Variants in SLC39A11 observed in about 807,000 individuals in gnomAD.
The protein encoded by SLC39A11 is solute carrier family 39 member 11.
SLC39A11 carries 33 observed loss-of-function variants against 36.1 expected under a neutral mutation model. The observed-to-expected ratio is 0.91, with a 90% CI of 0.69 to 1.22. The LOEUF (loss-of-function observed/expected upper bound fraction) is 1.22. Ranked by LOEUF, SLC39A11 falls within the 50% of genes most tolerant of loss-of-function variation. SLC39A11 has a pLI of 0.00. For synonymous variants in SLC39A11, 166 were observed against 170.3 expected (o/e 0.97, Z 0.20); for missense variants, 432 against 430.3 (o/e 1.00, Z -0.03).
intron 7 of SLC39A11, among the ~76,000 whole-genome samples, chr17:72,719,123 T>C (rs1223991107): frequency 6.6e-6 from 1 of 151,170 alleles, no homozygotes; most frequent in Non-Finnish European, 1.5e-5. Flanking sequence ...GGCACATGCC[T>C]GTAGTCCCAG....
intron 4 of SLC39A11, among the ~76,000 whole-genome samples, chr17:72,979,178 C>T (rs969178443): frequency 5.3e-5 from 8 of 152,190 alleles, no homozygotes; most frequent in Non-Finnish European, 1.0e-4. Context: ...CCTCCCCCTT[C>T]GCTTGCCACT....
intron 3 of SLC39A11, among the ~76,000 whole-genome samples, chr17:73,058,045 C>G (rs985004313): frequency 9.6e-6 from 1 of 104,198 alleles, no homozygotes; most frequent in Non-Finnish European, 1.9e-5. Flanking sequence ...AAATTTACTT[C>G]TGTGGGAAAA....
chr17:72,667,623 A>G (rs1161238283), intron 7 of SLC39A11, among the ~76,000 whole-genome samples: 2 of 152,242 alleles, frequency 1.3e-5, no homozygotes, highest in East Asian at 1.9e-4. Flanking sequence ...TATGCTACCA[A>G]TGCTATGAAG....
intron 3 of SLC39A11, among the ~76,000 whole-genome samples, chr17:73,060,210 C>CAAAAAAAAAAAAAAAAAAAAAAAAAA (rs33931672): frequency 7.1e-5 from 5 of 70,352 alleles, no homozygotes; most frequent in Admixed American, 1.8e-4. Context: ...AACTCCATCT[C>CAAAAAAAAAAAAAAAAAAAAAAAAAA]AAAAAAAAAA....
intron 4 of SLC39A11, among the ~76,000 whole-genome samples, chr17:73,016,220 A>T (rs139877115): frequency 2.1e-4 from 32 of 152,286 alleles, no homozygotes; most frequent in African/African-American, 7.5e-4. Flanking sequence ...TCTTAAAGGG[A>T]GGTCCATGGA....
At chr17:72,993,952 T>C (rs556877198) in intron 4 of SLC39A11, among the ~76,000 whole-genome samples, 164 of 152,306 alleles carry the variant, frequency 1.1e-3, no homozygotes, top group Non-Finnish European at 1.9e-3. Flanking sequence ...TGGGAGGTAA[T>C]TGAATCATGG....
chr17:73,067,828 A>G (rs2060041502), intron 3 of SLC39A11: 1 of 1,557,238 alleles, frequency 6.4e-7, no homozygotes, highest in African/African-American at 1.4e-5. Flanking sequence ...CTCTTCTGTG[A>G]AAATCCATTT....
chr17:72,990,257 G>T (rs1200076688), intron 4 of SLC39A11, among the ~76,000 whole-genome samples: 1 of 152,060 alleles, frequency 6.6e-6, no homozygotes, highest in Non-Finnish European at 1.5e-5. Flanking sequence ...TAAGACTGCC[G>T]GGTTCAGACA....
At chr17:72,987,424 T>G (rs1162995328) in intron 4 of SLC39A11, among the ~76,000 whole-genome samples, 2 of 152,196 alleles carry the variant, frequency 1.3e-5, no homozygotes, top group African/African-American at 4.8e-5. Context: ...GTATCCAGTT[T>G]GAGTGAATGG....
rs539314914 is a variant in SLC39A11, at chr17:72,777,578, A to G, written c.602-40859T>C. Among the ~76,000 whole-genome samples the G allele has an allele frequency of 4.7e-4, 71 of 152,276 alleles. No individual in the cohort carries two copies. In the South Asian group the frequency reaches 0.014, roughly 30 times the overall value. ...GATGGAGGTGGCATGGGAACGATGC[A>G]TCTACAAGCTAAGTTACACCAAGAA... On this transcript the variant is annotated intron_variant, in intron 6 of 9. Transcript: ENST00000255559.
At chr17:73,004,232 A>AAAGAAAGAAAGAAAAGAAAGAAAGAAAG in intron 4 of SLC39A11, among the ~76,000 whole-genome samples, 6 of 88,710 alleles carry the variant, frequency 6.8e-5, no homozygotes, top group Admixed American at 2.3e-4. Context: ...AGAAAGAAAG[A>AAAGAAAGAAAGAAAAGAAAGAAAGAAAG]AAAGAAAGAA....
intron 6 of SLC39A11, among the ~76,000 whole-genome samples, chr17:72,748,477 T>C (rs1287487199): frequency 2.0e-5 from 3 of 152,198 alleles, no homozygotes; most frequent in African/African-American, 7.2e-5. Flanking sequence ...TCCGATTGTT[T>C]CACGTTGGGA....
chr17:72,897,887 G>A (rs778018196), intron 5 of SLC39A11, among the ~76,000 whole-genome samples: 2 of 152,108 alleles, frequency 1.3e-5, no homozygotes, highest in African/African-American at 2.4e-5. Context: ...ACAGAGAAAA[G>A]ATTACCCAAG....
chr17:73,058,027 T>G (rs1407886469), intron 3 of SLC39A11, among the ~76,000 whole-genome samples: 1 of 87,910 alleles, frequency 1.1e-5, no homozygotes, highest in Admixed American at 1.2e-4. Context: ...TTTTTTTTTT[T>G]GTAAAAGAAA....
rs1167034424 is a variant in SLC39A11, at chr17:72,852,204, C to CAA, written c.431-2402_431-2401dup. 7.2e-3 allele frequency among the ~76,000 whole-genome samples: 287 copies of CAA among 39,904 alleles called. 23 individuals carry two copies. Among genetic ancestry groups the CAA allele is most frequent in the African/African-American group, 0.018 (259 of 14,062 alleles). 26.2% of individuals were successfully genotyped at this position (39,904 alleles called of 152,430 possible). On this transcript the variant is annotated intron_variant, in intron 5 of 9. Coordinates refer to ENST00000255559, the MANE Select transcript of SLC39A11 (RefSeq NM_139177.4). Reference sequence around the variant, plus strand: ...TGGGCAACAGAGCAAGACTCCGTCTCAAAAAAAAAAAAAAAAAAAAAAAAC... The same window carrying CAA: ...TGGGCAACAGAGCAAGACTCCGTCTCAAAAAAAAAAAAAAAAAAAAAAAAAAC...
chr17:72,860,722 T>C (rs900817000), intron 5 of SLC39A11, among the ~76,000 whole-genome samples: 1 of 152,154 alleles, frequency 6.6e-6, no homozygotes, highest in African/African-American at 2.4e-5. Flanking sequence ...GGACTATCGG[T>C]GTCATTGCAA....
chr17:72,758,727 A>C (rs2075454549), intron 6 of SLC39A11, among the ~76,000 whole-genome samples: 1 of 152,210 alleles, frequency 6.6e-6, no homozygotes. Flanking sequence ...CCCAGAACTG[A>C]CAGCCACCCG....
chr17:72,774,252 C>T (rs1212036048), intron 6 of SLC39A11, among the ~76,000 whole-genome samples: 1 of 152,204 alleles, frequency 6.6e-6, no homozygotes, highest in East Asian at 1.9e-4. Flanking sequence ...CTTGCAGGGA[C>T]TCAAGGTGTG....
chr17:73,042,388 T>C (rs2059138904), intron 3 of SLC39A11, among the ~76,000 whole-genome samples: 2 of 152,358 alleles, frequency 1.3e-5, no homozygotes, highest in East Asian at 1.9e-4. Flanking sequence ...CAGTGCCTAC[T>C]ATGGAGCAGA....
Sources: gnomAD v4.1 joint callset for allele counts (sites outside exome capture counted in the v4.1 genomes callset) on GRCh38, gnomAD v4.1.1 for gene constraint, MANE v1.5 for transcripts, NCBI Gene and HGNC (gene_info 2026-07-23, HGNC 2026-07-21) for gene names.